The following BNC2 variants were observed in gnomAD, a reference collection of about 807,000 sequenced individuals.
BNC2 encodes basonuclin zinc finger protein 2.
Under a neutral mutation model 76.3 loss-of-function variants are expected in BNC2, and 20 were observed. That is an observed-to-expected ratio of 0.26 (90% confidence interval 0.18 to 0.38). The LOEUF is 0.38. BNC2 is among the 10% of genes least tolerant of loss of function. BNC2 has a pLI of 1.00. For synonymous variants in BNC2, 582 were observed against 514.8 expected, an observed-to-expected ratio of 1.13 and a Z score of -1.77; for missense variants, 1,382 against 1,399.8, an observed-to-expected ratio of 0.99 and a Z score of 0.20.
Position 16,494,620 on chromosome 9 carries a change from A to T in BNC2, c.670-57096T>A, listed in dbSNP as rs1822347674. Among the ~76,000 whole-genome samples the T allele has an allele frequency of 2.0e-5, 3 of 152,214 alleles. No individual in the cohort carries two copies. In the South Asian group the frequency reaches 6.2e-4, roughly 31 times the overall value. ...GCAAAATTTTTCAGGGAAAAGGAAC[A>T]GCGAAGAAGCCAGTGTGACCAAAGT... is the stretch of plus-strand genomic sequence containing the variant. On this transcript the variant is annotated intron_variant, in intron 5 of 6. Coordinates refer to ENST00000380672, the MANE Select transcript of BNC2 (RefSeq NM_017637.6).
chr9:16,769,814 G>A (rs4961755), intron 1 of BNC2, among the ~76,000 whole-genome samples: 1 of 151,998 alleles, frequency 6.6e-6, no homozygotes, highest in Non-Finnish European at 1.5e-5. Context: ...GATTCATGTG[G>A]GTGGAGCTTG....
chr9:16,465,106 G>A (rs989049787), intron 5 of BNC2, among the ~76,000 whole-genome samples: 2 of 152,184 alleles, frequency 1.3e-5, no homozygotes, highest in East Asian at 3.9e-4. Context: ...TTAGCACACA[G>A]TGCCACTCTG....
chr9:16,722,360 G>A (rs1432521332), intron 3 of BNC2, among the ~76,000 whole-genome samples: 1 of 152,206 alleles, frequency 6.6e-6, no homozygotes, highest in African/African-American at 2.4e-5. Context: ...AGGATGTGCT[G>A]CTGTGGCAGC....
At chr9:16,540,152 C>T (rs1818273526) in intron 5 of BNC2, among the ~76,000 whole-genome samples, 3 of 146,494 alleles carry the variant, frequency 2.0e-5, no homozygotes, top group East Asian at 2.0e-4. Context: ...AACTATTTAA[C>T]GTGATTTTTT....
chr9:16,432,634 C>T (rs906933523), intron 6 of BNC2, among the ~76,000 whole-genome samples: 6 of 152,214 alleles, frequency 3.9e-5, no homozygotes, highest in Non-Finnish European at 7.3e-5. Context: ...GCCCTGCACA[C>T]TTCAGCCCCC....
chr9:16,782,301 GATA>G (rs928835911), intron 1 of BNC2, among the ~76,000 whole-genome samples: 21 of 151,110 alleles, frequency 1.4e-4, no homozygotes, highest in South Asian at 4.2e-4. Flanking sequence ...TAATAATAAT[GATA>G]ATAATAATAA....
At chr9:16,736,349 C>G (rs868618931) in intron 2 of BNC2, among the ~76,000 whole-genome samples, 38 of 151,700 alleles carry the variant, frequency 2.5e-4, no homozygotes, top group Admixed American at 4.6e-4. Flanking sequence ...AAATGATACT[C>G]CTTCATATGC....
At chr9:16,556,892 C>T (rs367548500) in intron 4 of BNC2, among the ~76,000 whole-genome samples, 5 of 151,984 alleles carry the variant, frequency 3.3e-5, no homozygotes, top group African/African-American at 9.7e-5. Context: ...TAGATCATAT[C>T]GAGTCACCAA....
intron 3 of BNC2, among the ~76,000 whole-genome samples, chr9:16,617,985 T>C (rs753946882): frequency 1.1e-4 from 17 of 152,222 alleles, no homozygotes; most frequent in Non-Finnish European, 1.5e-5. Flanking sequence ...TTCCCAGCAA[T>C]GGCAGTAAAG....
chr9:16,608,534 T>C lies in BNC2; in HGVS notation c.331-25449A>G, dbSNP rs373658340. Among the ~76,000 whole-genome samples the C allele has an allele frequency of 8.5e-5, 13 of 152,258 alleles. No individual in the cohort carries two copies. In the East Asian group the frequency reaches 1.7e-3, roughly 20 times the overall value. ...TAAATTTTGTTTTAAAGAGATAGACTCTTGTTGTGTCACTCAGGCTGGACT... is the reference window on the plus strand; with the variant it reads ...TAAATTTTGTTTTAAAGAGATAGACCCTTGTTGTGTCACTCAGGCTGGACT... On this transcript the variant is annotated intron_variant, in intron 3 of 6. Coordinates refer to ENST00000380672, the MANE Select transcript of BNC2 (RefSeq NM_017637.6).
Position 16,435,986 on chromosome 9 carries a change from T to C in BNC2, c.2208A>G (p.Glu736=), listed in dbSNP as rs191305289. Reference sequence around the variant, plus strand: ...GAATGTGCTCATCCCCTTCCATGGATTCCTCGCCCAGTTTGGGCTCCGAAG... The same window carrying C: ...GAATGTGCTCATCCCCTTCCATGGACTCCTCGCCCAGTTTGGGCTCCGAAG... ...SESSEPKLGE[E]SMEGDEHIHS... Residue 736 remains glutamate, a synonymous_variant, in exon 6 of 7, where the codon GAA becomes GAG. Transcript: ENST00000380672. The C allele has an allele frequency of 1.9e-5, 31 of 1,613,902 alleles. No individual in the cohort carries two copies. In the East Asian group the frequency reaches 5.4e-4, roughly 28 times the overall value.
chr9:16,626,141 G>T (rs1820987304), intron 3 of BNC2: 1 of 152,098 alleles, frequency 6.6e-6, no homozygotes, highest in Admixed American at 6.5e-5. Context: ...AAATTGTCTT[G>T]TAATGTTTGC....
chr9:16,832,677 A>G (rs1818603508), intron 1 of BNC2, among the ~76,000 whole-genome samples: 1 of 152,164 alleles, frequency 6.6e-6, no homozygotes, highest in Non-Finnish European at 1.5e-5. Flanking sequence ...AGGAGAACAA[A>G]GTGGTAAGAG....
intron 6 of BNC2, among the ~76,000 whole-genome samples, chr9:16,426,467 A>G (rs530725171): frequency 6.6e-6 from 1 of 152,146 alleles, no homozygotes; most frequent in South Asian, 2.1e-4. Flanking sequence ...ACCCAGCCTA[A>G]AATGGTTAAT....
chr9:16,863,530 A>G (rs1174911004), intron 1 of BNC2, among the ~76,000 whole-genome samples: 1 of 152,146 alleles, frequency 6.6e-6, no homozygotes, highest in Admixed American at 6.5e-5. Context: ...CCTTGTCCCT[A>G]CTAAAAATAC....
At chr9:16,820,117 T>C (rs1193166585) in intron 1 of BNC2, among the ~76,000 whole-genome samples, 3 of 89,848 alleles carry the variant, frequency 3.3e-5, no homozygotes, top group African/African-American at 5.0e-5. Context: ...AGAGTGAGAC[T>C]GTCTCAAAAA....
chr9:16,817,320 C>G (rs1818210130), intron 1 of BNC2, among the ~76,000 whole-genome samples: 1 of 152,188 alleles, frequency 6.6e-6, no homozygotes, highest in African/African-American at 2.4e-5. Context: ...TTAGAGGCAA[C>G]AGGCTGCCAT....
At chr9:16,704,568 G>GA (rs34866692) in intron 3 of BNC2, among the ~76,000 whole-genome samples, 86,685 of 135,808 alleles carry the variant, frequency 0.64, 29,456 homozygotes, top group Non-Finnish European at 0.8. Context: ...TGCCAAAAAG[G>GA]AAAAAAAAAA....
chr9:16,562,845 T>C (rs1236212208), intron 4 of BNC2, among the ~76,000 whole-genome samples: 1 of 152,194 alleles, frequency 6.6e-6, no homozygotes, highest in Non-Finnish European at 1.5e-5. Context: ...TCTCATTTCA[T>C]AAATAAGTTA....
Sources: allele counts gnomAD v4.1 joint callset (sites outside exome capture counted in the v4.1 genomes callset), GRCh38; gene constraint gnomAD v4.1.1; transcripts MANE v1.5; gene names NCBI Gene and HGNC (gene_info 2026-07-23, HGNC 2026-07-21).